ZNF385B: variants seen among roughly 807,000 people sequenced by gnomAD.
ZNF385B encodes zinc finger protein 385B.
ZNF385B carries 23 observed loss-of-function variants against 39.2 expected under a neutral mutation model. That is an observed-to-expected ratio of 0.59 (90% CI 0.42 to 0.83). The LOEUF (loss-of-function observed/expected upper bound fraction) is 0.83. ZNF385B is among the 40% of genes least tolerant of loss of function. ZNF385B has a pLI of 0.00. For missense variants in ZNF385B, 552 were observed against 598.9 expected, an observed-to-expected ratio of 0.92 and a Z score of 0.82; for synonymous variants, 205 against 222.6, an observed-to-expected ratio of 0.92 and a Z score of 0.70.
intron 3 of ZNF385B, among the ~76,000 whole-genome samples, chr2:179,562,154 G>T (rs1256100724): frequency 6.6e-6 from 1 of 152,154 alleles, no homozygotes; most frequent in Non-Finnish European, 1.5e-5. Flanking sequence ...AAAGAAATGT[G>T]GGAAATCAGT....
chr2:179,683,654 T>G (rs143220571), intron 3 of ZNF385B, among the ~76,000 whole-genome samples: 6,208 of 151,914 alleles, frequency 0.041, 173 homozygotes, highest in Middle Eastern at 0.058. Flanking sequence ...TTTTGTATTT[T>G]TAGTACAGAT....
intron 1 of ZNF385B, among the ~76,000 whole-genome samples, chr2:179,794,776 A>T (rs1705552119): frequency 6.6e-6 from 1 of 152,098 alleles, no homozygotes; most frequent in Admixed American, 6.6e-5. Context: ...GATCAATGTG[A>T]CTTCAGGAGT....
At chr2:179,765,338 T>C (rs1265479162) in intron 3 of ZNF385B, among the ~76,000 whole-genome samples, 1 of 152,140 alleles carries the variant, frequency 6.6e-6, no homozygotes, top group African/African-American at 2.4e-5. Flanking sequence ...CATGTGATGA[T>C]AGATATTTAA....
intron 4 of ZNF385B, among the ~76,000 whole-genome samples, chr2:179,532,282 T>C (rs1359846645): frequency 1.3e-5 from 2 of 152,236 alleles, no homozygotes; most frequent in Non-Finnish European, 2.9e-5. Flanking sequence ...AAGCCCTCTC[T>C]GCCTCTATAT....
intron 3 of ZNF385B, among the ~76,000 whole-genome samples, chr2:179,705,957 A>G (rs912646297): frequency 3.3e-5 from 5 of 152,254 alleles, no homozygotes; most frequent in Admixed American, 3.3e-4. Flanking sequence ...CTCCTTATCT[A>G]TTGATTCCTA....
At chr2:179,586,473 G>T (rs1219632492) in intron 3 of ZNF385B, among the ~76,000 whole-genome samples, 1 of 152,088 alleles carries the variant, frequency 6.6e-6, no homozygotes, top group Non-Finnish European at 1.5e-5. Flanking sequence ...AGGAAACAAG[G>T]CCCGAAAGAA....
chr2:179,513,793 T>C (rs2057873619), intron 5 of ZNF385B, among the ~76,000 whole-genome samples: 2 of 152,206 alleles, frequency 1.3e-5, no homozygotes, highest in Admixed American at 1.3e-4. Context: ...GTGCTTATCA[T>C]ACAGGAGGAG....
At chr2:179,708,922 T>C (rs116810628) in intron 3 of ZNF385B, among the ~76,000 whole-genome samples, 2,036 of 152,266 alleles carry the variant, frequency 0.013, 17 homozygotes, top group Non-Finnish European at 0.02. Context: ...AGAACAATAG[T>C]AGATTACTGG....
intron 6 of ZNF385B, among the ~76,000 whole-genome samples, chr2:179,479,931 C>A (rs2053819562): frequency 6.6e-6 from 1 of 152,096 alleles, no homozygotes; most frequent in African/African-American, 2.4e-5. Context: ...AAAGGATGTT[C>A]CCAGAATGCT....
At chr2:179,835,515 G>T (rs1032682854) in intron 1 of ZNF385B, among the ~76,000 whole-genome samples, 1 of 152,094 alleles carries the variant, frequency 6.6e-6, no homozygotes, top group African/African-American at 2.4e-5. Context: ...TGGTGGGGGG[G>T]CCAGGAAAAC....
intron 6 of ZNF385B, among the ~76,000 whole-genome samples, chr2:179,450,331 G>A (rs2049978063): frequency 6.6e-6 from 1 of 152,126 alleles, no homozygotes; most frequent in Non-Finnish European, 1.5e-5. Flanking sequence ...CAGAATGGGA[G>A]AAAATATTTG....
chr2:179,856,794 G>A (rs1205754528), intron 1 of ZNF385B, among the ~76,000 whole-genome samples: 1 of 152,088 alleles, frequency 6.6e-6, no homozygotes, highest in Non-Finnish European at 1.5e-5. Context: ...AGTAAAATGA[G>A]GTAAAAATAC....
chr2:179,661,899 T>C (rs758283349), intron 3 of ZNF385B, among the ~76,000 whole-genome samples: 1 of 152,238 alleles, frequency 6.6e-6, no homozygotes, highest in Non-Finnish European at 1.5e-5. Context: ...TTGAGTCATA[T>C]ACCATGTATT....
At chr2:179,459,494 T>G (rs2051057348) in intron 6 of ZNF385B, among the ~76,000 whole-genome samples, 1 of 152,034 alleles carries the variant, frequency 6.6e-6, no homozygotes, top group Non-Finnish European at 1.5e-5. Flanking sequence ...ACCTATTATG[T>G]GCTATATACT....
chr2:179,483,871 C>G (rs1349880446), intron 5 of ZNF385B, among the ~76,000 whole-genome samples: 1 of 152,210 alleles, frequency 6.6e-6, no homozygotes, highest in Non-Finnish European at 1.5e-5. Context: ...CTACTTTCTT[C>G]TGGGCTCTGC....
intron 1 of ZNF385B, among the ~76,000 whole-genome samples, chr2:179,796,869 G>A (rs1705696699): frequency 1.3e-5 from 2 of 152,120 alleles, no homozygotes; most frequent in Non-Finnish European, 2.9e-5. Context: ...TACCAGCTGT[G>A]TCTTGGTTAA....
chr2:179,619,002 C>A (rs1461180416), intron 3 of ZNF385B, among the ~76,000 whole-genome samples: 1 of 152,082 alleles, frequency 6.6e-6, no homozygotes, highest in African/African-American at 2.4e-5. Context: ...TGAAACAACA[C>A]CTGGTCTGTT....
intron 3 of ZNF385B, among the ~76,000 whole-genome samples, chr2:179,615,265 G>A (rs139701723): frequency 1.3e-5 from 2 of 152,238 alleles, no homozygotes; most frequent in East Asian, 3.9e-4. Context: ...GAATCTTAAG[G>A]GATTTCCAAA....
At chr2:179,670,423 C>T (rs1199967318) in intron 3 of ZNF385B, among the ~76,000 whole-genome samples, 11 of 151,462 alleles carry the variant, frequency 7.3e-5, no homozygotes, top group Admixed American at 2.6e-4. Flanking sequence ...GTACTTCCAC[C>T]ATACAGATGT....
Sources: allele counts gnomAD v4.1 joint callset (sites outside exome capture counted in the v4.1 genomes callset), GRCh38; gene constraint gnomAD v4.1.1; transcripts MANE v1.5; gene names NCBI Gene and HGNC (gene_info 2026-07-23, HGNC 2026-07-21).